Variants in MAML3 observed in about 807,000 individuals in gnomAD.
MAML3 encodes the protein mastermind like transcriptional coactivator 3.
MAML3 carries 27 observed loss-of-function variants against 101.9 expected under a neutral mutation model. The ratio of observed to expected loss-of-function variants is 0.27; its 90% confidence interval spans 0.20 to 0.37. MAML3 has a LOEUF of 0.37. Ranked by LOEUF, MAML3 falls within the 10% of genes least tolerant of loss-of-function variation. MAML3 has a pLI of 1.00. For synonymous variants in MAML3, 501 were observed against 555.9 expected, an observed-to-expected ratio of 0.90 and a Z score of 1.39; for missense variants, 1,316 against 1,444.9, an observed-to-expected ratio of 0.91 and a Z score of 1.45.
At chr4:140,004,661 A>G (rs1726416560) in intron 1 of MAML3, among the ~76,000 whole-genome samples, 1 of 151,898 alleles carries the variant, frequency 6.6e-6, no homozygotes, top group African/African-American at 2.4e-5. Context: ...ACGCCATGAG[A>G]CTCGCAGGGA....
intron 2 of MAML3, among the ~76,000 whole-genome samples, chr4:139,864,494 C>T (rs535322200): frequency 3.9e-5 from 6 of 152,000 alleles, no homozygotes; most frequent in East Asian, 3.9e-4. Flanking sequence ...CTGGCCAACA[C>T]GGTGAAACCT....
At chr4:139,779,207 C>T (rs1461557670) in intron 2 of MAML3, among the ~76,000 whole-genome samples, 1 of 152,072 alleles carries the variant, frequency 6.6e-6, no homozygotes, top group Admixed American at 6.5e-5. Context: ...TTTATTTTTG[C>T]CCTAATTTCC....
chr4:139,745,478 T>TA (rs1729291499), intron 2 of MAML3, among the ~76,000 whole-genome samples: 1 of 152,064 alleles, frequency 6.6e-6, no homozygotes, highest in Non-Finnish European at 1.5e-5. Flanking sequence ...CTGGCTGAGA[T>TA]TTGGCACTTG....
chr4:140,114,005 C>T (rs1022340839), intron 1 of MAML3, among the ~76,000 whole-genome samples: 1 of 152,218 alleles, frequency 6.6e-6, no homozygotes, highest in Non-Finnish European at 1.5e-5. Flanking sequence ...CATTTTCCCA[C>T]CTTCGTGCTA....
intron 1 of MAML3, among the ~76,000 whole-genome samples, chr4:139,915,075 A>G (rs532701951): frequency 6.6e-6 from 1 of 152,332 alleles, no homozygotes; most frequent in Non-Finnish European, 1.5e-5. Flanking sequence ...GCTTATATTT[A>G]CTGAAAATAG....
At chr4:140,058,350 C>T (rs1264665076) in intron 1 of MAML3, among the ~76,000 whole-genome samples, 1 of 151,870 alleles carries the variant, frequency 6.6e-6, no homozygotes, top group Non-Finnish European at 1.5e-5. Context: ...CCTCAGCCTC[C>T]CAATGTGCTA....
chr4:139,765,834 AT>A (rs1447186044), intron 2 of MAML3, among the ~76,000 whole-genome samples: 1 of 152,116 alleles, frequency 6.6e-6, no homozygotes, highest in Non-Finnish European at 1.5e-5. Flanking sequence ...AATAAAAAAA[AT>A]AAATAAGCCA....
At chr4:140,037,579 A>T (rs571058005) in intron 1 of MAML3, among the ~76,000 whole-genome samples, 9 of 152,338 alleles carry the variant, frequency 5.9e-5, no homozygotes, top group African/African-American at 2.2e-4. Context: ...TGTGACTCAC[A>T]GGAGGCCTGC....
intron 2 of MAML3, among the ~76,000 whole-genome samples, chr4:139,865,040 A>C (rs1245822022): frequency 1.3e-5 from 2 of 150,414 alleles, no homozygotes; most frequent in Admixed American, 1.3e-4. Flanking sequence ...AAATGGAGAC[A>C]AATTATAATG....
chr4:140,141,244 C>T (rs1039120631), intron 1 of MAML3, among the ~76,000 whole-genome samples: 1 of 152,198 alleles, frequency 6.6e-6, no homozygotes, highest in African/African-American at 2.4e-5. Flanking sequence ...CAGACCACTG[C>T]AGCACCTGTG....
Position 139,719,084 on chromosome 4 carries a change from C to T in MAML3, c.*239G>A. On this transcript the variant is annotated 3_prime_UTR_variant, in exon 5 of 5. Coordinates refer to ENST00000509479, the MANE Select transcript of MAML3 (RefSeq NM_018717.5). ...TCCCACCTGCTCCTCCGGGTGTCTCCCTCTCTCGCAGCCGGGATCTGCATG... is the reference window on the plus strand; with the variant it reads ...TCCCACCTGCTCCTCCGGGTGTCTCTCTCTCTCGCAGCCGGGATCTGCATG... The T allele has an allele frequency of 2.0e-6, 1 of 494,542 alleles. No homozygotes were observed. The highest frequency in any genetic ancestry group is 3.2e-5 in the South Asian group (1 of 31,602). 30.6% of individuals were successfully genotyped at this position (494,542 alleles called of 1,614,324 possible).
At chr4:139,836,491 A>G (rs187165225) in intron 2 of MAML3, among the ~76,000 whole-genome samples, 27 of 150,832 alleles carry the variant, frequency 1.8e-4, no homozygotes, top group African/African-American at 6.7e-4. Context: ...CAAAACAACA[A>G]TGATGATCCT....
At chr4:139,734,642 C>T (rs1728859769) in intron 2 of MAML3, among the ~76,000 whole-genome samples, 1 of 152,246 alleles carries the variant, frequency 6.6e-6, no homozygotes, top group South Asian at 2.1e-4. Context: ...GCACCCTTAC[C>T]TCCCCCAAAC....
At chr4:140,030,705 G>A (rs141760960) in intron 1 of MAML3, among the ~76,000 whole-genome samples, 1,562 of 152,182 alleles carry the variant, frequency 0.01, 13 homozygotes, top group Non-Finnish European at 0.017. Context: ...CCCAGCTTGC[G>A]GAGATACAAG....
chr4:139,879,720 TCTG>T (rs1732181962), intron 2 of MAML3, among the ~76,000 whole-genome samples: 2 of 1,356 alleles, frequency 1.5e-3, no homozygotes. Context: ...GGCAGTGGAA[TCTG>T]ATTGATTACC....
intron 2 of MAML3, among the ~76,000 whole-genome samples, chr4:139,757,324 T>C (rs1271038288): frequency 6.6e-6 from 1 of 151,960 alleles, no homozygotes; most frequent in African/African-American, 2.4e-5. Flanking sequence ...CTGCCAGTAC[T>C]CCCCCTCACA....
chr4:140,082,571 A>C (rs879897233), intron 1 of MAML3, among the ~76,000 whole-genome samples: 10 of 152,238 alleles, frequency 6.6e-5, no homozygotes, highest in Non-Finnish European at 8.8e-5. Context: ...GCCCATACCA[A>C]GGCATGGCCT....
At chr4:139,798,037 A>AG (rs1730543152) in intron 2 of MAML3, among the ~76,000 whole-genome samples, 55 of 7,456 alleles carry the variant, frequency 7.4e-3, no homozygotes, top group Admixed American at 0.019. Flanking sequence ...AGAGAGAGAG[A>AG]AAGAAAGAAA....
intron 1 of MAML3, among the ~76,000 whole-genome samples, chr4:139,931,847 T>TAA (rs558806703): frequency 1.5e-5 from 2 of 135,090 alleles, no homozygotes; most frequent in Non-Finnish European, 1.6e-5. Flanking sequence ...CCGTCTCTAC[T>TAA]AAAAAAAAAA....
Sources: gnomAD v4.1 joint callset for allele counts (sites outside exome capture counted in the v4.1 genomes callset) on GRCh38, gnomAD v4.1.1 for gene constraint, MANE v1.5 for transcripts, NCBI Gene and HGNC (gene_info 2026-07-23, HGNC 2026-07-21) for gene names.